Variants in TRAK1 observed in about 807,000 individuals in gnomAD.
TRAK1 encodes the protein trafficking kinesin protein 1, also known as trafficking kinesin-binding protein 1.
In TRAK1, 33 loss-of-function variants were observed where a neutral mutation model predicts 92.1. The ratio of observed to expected loss-of-function variants is 0.36; its 90% confidence interval spans 0.27 to 0.48. The LOEUF is 0.48. TRAK1 is among the 20% of genes least tolerant of loss of function. TRAK1 has a pLI of 0.99. For missense variants in TRAK1, 1,123 were observed against 1,257.9 expected, an observed-to-expected ratio of 0.89 and a Z score of 1.62; for synonymous variants, 521 against 517.3, an observed-to-expected ratio of 1.01 and a Z score of -0.10.
chr3:42,129,007 G>A (rs542061228), intron 2 of TRAK1, among the ~76,000 whole-genome samples: 1 of 152,302 alleles, frequency 6.6e-6, no homozygotes, highest in East Asian at 1.9e-4. Context: ...TAATATCCCA[G>A]AGTTTTTCAA....
intron 2 of TRAK1, chr3:42,160,554 C>T: frequency 7.6e-7 from 1 of 1,308,956 alleles, no homozygotes; most frequent in Non-Finnish European, 1.0e-6. Flanking sequence ...GATTTCATAG[C>T]ACTGTTTTGT....
chr3:42,149,740 A>G (rs897784347), intron 2 of TRAK1: 8 of 1,079,408 alleles, frequency 7.4e-6, no homozygotes, highest in African/African-American at 3.2e-5. Flanking sequence ...GGCTCTGGCA[A>G]TTCCAAAGGC....
intron 3 of TRAK1, among the ~76,000 whole-genome samples, chr3:42,182,265 T>C (rs914148168): frequency 6.6e-6 from 1 of 151,506 alleles, no homozygotes; most frequent in Non-Finnish European, 1.5e-5. Context: ...GAGGCACAAA[T>C]TGTGGGAACG....
chr3:42,166,056 C>T (rs1012071584), intron 2 of TRAK1, among the ~76,000 whole-genome samples: 3 of 152,116 alleles, frequency 2.0e-5, no homozygotes, highest in Non-Finnish European at 2.9e-5. Flanking sequence ...TTACCTGACA[C>T]CTTTCCTGCT....
chr3:42,135,694 G>T (rs974321149), intron 2 of TRAK1, among the ~76,000 whole-genome samples: 1 of 152,164 alleles, frequency 6.6e-6, no homozygotes, highest in East Asian at 1.9e-4. Context: ...TCTCTTCCTC[G>T]TCTGACTAGT....
intron 15 of TRAK1, chr3:42,220,408 G>A: frequency 3.5e-6 from 3 of 859,860 alleles, no homozygotes; most frequent in Non-Finnish European, 4.2e-6. Context: ...TTTCCTCTGT[G>A]GTGTAAGATG....
intron 1 of TRAK1, among the ~76,000 whole-genome samples, chr3:42,037,678 G>T (rs1702375338): frequency 6.6e-6 from 1 of 152,252 alleles, no homozygotes; most frequent in Admixed American, 6.5e-5. Context: ...AAGGGCTAAA[G>T]AAAAGGTACC....
intron 1 of TRAK1, among the ~76,000 whole-genome samples, chr3:42,022,355 A>G (rs538693939): frequency 2.6e-5 from 4 of 152,344 alleles, no homozygotes; most frequent in African/African-American, 9.6e-5. Flanking sequence ...ATCATTGGTA[A>G]AATAGACTAA....
At chr3:42,177,424 A>T (rs1703366109) in intron 3 of TRAK1, among the ~76,000 whole-genome samples, 1 of 152,252 alleles carries the variant, frequency 6.6e-6, no homozygotes, top group Non-Finnish European at 1.5e-5. Context: ...ATTAAGTATT[A>T]TGAAGGTCTC....
intron 2 of TRAK1, among the ~76,000 whole-genome samples, chr3:42,128,624 T>C (rs950252941): frequency 3.9e-5 from 6 of 152,244 alleles, no homozygotes; most frequent in African/African-American, 7.2e-5. Flanking sequence ...AACTTCTAAC[T>C]GAAATGCAGC....
chr3:42,156,981 C>G (rs978390185), intron 2 of TRAK1, among the ~76,000 whole-genome samples: 1 of 151,968 alleles, frequency 6.6e-6, no homozygotes, highest in Non-Finnish European at 1.5e-5. Flanking sequence ...TGGTGAAACC[C>G]CATCTTTACT....
At chr3:42,198,185 A>G (rs569193468) in intron 10 of TRAK1, among the ~76,000 whole-genome samples, 1 of 152,106 alleles carries the variant, frequency 6.6e-6, no homozygotes, top group Non-Finnish European at 1.5e-5. Flanking sequence ...TGTGTAAAGG[A>G]TTGTGTGTTA....
At chr3:42,136,114 C>T (rs557962198) in intron 2 of TRAK1, among the ~76,000 whole-genome samples, 4 of 152,204 alleles carry the variant, frequency 2.6e-5, no homozygotes, top group African/African-American at 9.6e-5. Context: ...AATCATGGAA[C>T]CTCTGTGTAC....
intron 1 of TRAK1, among the ~76,000 whole-genome samples, chr3:42,075,920 G>A (rs1331077150): frequency 6.6e-6 from 1 of 151,990 alleles, no homozygotes; most frequent in African/African-American, 2.4e-5. Flanking sequence ...TCGACTCACT[G>A]CCACCTCTGC....
intron 1 of TRAK1, among the ~76,000 whole-genome samples, chr3:42,099,461 C>T (rs548601186): frequency 6.6e-6 from 1 of 152,262 alleles, no homozygotes; most frequent in African/African-American, 2.4e-5. Flanking sequence ...AGGTTTAAAC[C>T]CTAGTTTGAT....
At chr3:42,109,951 A>G (rs1484670721) in intron 1 of TRAK1, among the ~76,000 whole-genome samples, 1 of 151,040 alleles carries the variant, frequency 6.6e-6, no homozygotes, top group Non-Finnish European at 1.5e-5. Context: ...GGGGCCTGTC[A>G]TGGGGTAGGG....
At chr3:42,118,406 C>T (rs1332975639) in intron 1 of TRAK1, among the ~76,000 whole-genome samples, 2 of 152,216 alleles carry the variant, frequency 1.3e-5, no homozygotes, top group Non-Finnish European at 2.9e-5. Flanking sequence ...TCTGTATTTA[C>T]ATGAGGTTCT....
intron 5 of TRAK1, 140 bp downstream of exon 5, chr3:42,188,285 C>G: frequency 1.4e-6 from 1 of 724,390 alleles, no homozygotes; most frequent in Non-Finnish European, 2.4e-6. Flanking sequence ...CCAAACACCT[C>G]CAAGTGCCTC....
intron 4 of TRAK1, among the ~76,000 whole-genome samples, chr3:42,186,259 G>A (rs1224495759): frequency 6.6e-6 from 1 of 152,162 alleles, no homozygotes; most frequent in Non-Finnish European, 1.5e-5. Context: ...TGGGATTACA[G>A]GTGTGAGCCC....
Sources: gnomAD v4.1 joint callset for allele counts (sites outside exome capture counted in the v4.1 genomes callset) on GRCh38, gnomAD v4.1.1 for gene constraint, MANE v1.5 for transcripts, NCBI Gene and HGNC (gene_info 2026-07-23, HGNC 2026-07-21) for gene names.